SPANXN1: variants seen among roughly 807,000 people sequenced by gnomAD.
The protein encoded by SPANXN1 is SPANX family member N1, also known as sperm protein associated with the nucleus on the X chromosome N1.
A neutral mutation model predicts 2.0 loss-of-function variants in SPANXN1; 1 was observed. The ratio of observed to expected loss-of-function variants is 0.50; its 90% CI spans 0.18 to 2.36. The LOEUF (loss-of-function observed/expected upper bound fraction) is 2.36, where lower values mean the gene tolerates loss of function less well. Ranked by LOEUF, SPANXN1 falls within the 30% of genes most tolerant of loss-of-function variation. The pLI, the probability that SPANXN1 is intolerant of heterozygous loss-of-function variation, is 0.26. For synonymous variants in SPANXN1, 27 were observed against 21.3 expected (o/e 1.27, Z -0.74); for missense variants, 55 against 51.8 (o/e 1.06, Z -0.19).
At chrX:145,248,602 A>G (rs2070771823) in intron 1 of SPANXN1, among the ~76,000 whole-genome samples, 1 of 112,072 alleles carries the variant, frequency 8.9e-6, no homozygotes, top group South Asian at 3.7e-4. Flanking sequence ...GTTGTAGATT[A>G]TGGCGGTTAA....
chrX:145,249,329 A>G (rs1343070584), intron 1 of SPANXN1, among the ~76,000 whole-genome samples: 10 of 110,968 alleles, frequency 9.0e-5, no homozygotes, highest in African/African-American at 3.3e-4. Flanking sequence ...TCCCACAGAC[A>G]AAGAGGACAA....
intron 1 of SPANXN1, among the ~76,000 whole-genome samples, chrX:145,248,035 T>G (rs1218080274): frequency 9.0e-6 from 1 of 111,230 alleles, no homozygotes; most frequent in African/African-American, 3.3e-5. Flanking sequence ...TTTCTCAGCC[T>G]GAACCCCCGT....
chrX:145,251,671 GT>G (rs1244332327), intron 1 of SPANXN1, among the ~76,000 whole-genome samples: 1 of 111,928 alleles, frequency 8.9e-6, no homozygotes, highest in Non-Finnish European at 1.9e-5. Context: ...GCATTTTTAA[GT>G]TTTTTGTTTG....
intron 1 of SPANXN1, among the ~76,000 whole-genome samples, chrX:145,247,888 A>G (rs1391917823): frequency 2.7e-5 from 3 of 112,685 alleles, no homozygotes; most frequent in African/African-American, 9.7e-5. Flanking sequence ...AGATGTTTTT[A>G]TGATCAGGCT....
chrX:145,255,538 C>T lies in SPANXN1; in HGVS notation c.76-133C>T, dbSNP rs782511547. The stretch of plus-strand genomic sequence containing the variant: ...CCCCATAGATCCCTACCCTATGATT[C>T]AACCTTGTTCTTCTCTGGCACACAC... On this transcript the variant is annotated intron_variant, in intron 1 of 1. Coordinates refer to ENST00000370493, the MANE Select transcript of SPANXN1 (RefSeq NM_001009614.3). 5.8e-4 allele frequency: 571 copies of T among 976,385 alleles called. 1 individual carries two copies. Among genetic ancestry groups the T allele is most frequent in the South Asian group, 4.8e-3 (213 of 44,265 alleles). The allele number at this position is 976,385 out of a possible 1,213,427, so 80.5% of individuals were successfully genotyped here.
At chrX:145,253,727 T>C (rs1248884491) in intron 1 of SPANXN1, among the ~76,000 whole-genome samples, 2 of 110,917 alleles carry the variant, frequency 1.8e-5, no homozygotes, top group Non-Finnish European at 3.8e-5. Flanking sequence ...TTGGAGGGTG[T>C]TCTCATGGGC....
intron 1 of SPANXN1, among the ~76,000 whole-genome samples, chrX:145,249,895 C>T: frequency 1.8e-5 from 2 of 110,796 alleles, no homozygotes; most frequent in East Asian, 2.8e-4. Flanking sequence ...CCAAGTATTC[C>T]ATATAGAAGG....
Position 145,256,070 on chromosome X carries a change from G to T in SPANXN1, c.*256G>T. On this transcript the variant is annotated 3_prime_UTR_variant, in exon 2 of 2. Transcript: ENST00000370493. ...AGGATCTTCACAGGAGGATAAAGAC[G>T]TAGAATTACCTGAAGGATCTTCACA... 1 of 518,367 alleles carries T rather than the reference G, an allele frequency of 1.9e-6. No individual in the cohort carries two copies. 42.7% of individuals were successfully genotyped at this position (518,367 alleles called of 1,213,427 possible).
At chrX:145,251,831 A>G (rs1320296970) in intron 1 of SPANXN1, among the ~76,000 whole-genome samples, 1 of 111,062 alleles carries the variant, frequency 9.0e-6, no homozygotes, top group Non-Finnish European at 1.9e-5. Context: ...TTCATGGCCA[A>G]AAGTATCCCA....
chrX:145,251,623 T>G (rs1161515750), intron 1 of SPANXN1, among the ~76,000 whole-genome samples: 1 of 111,847 alleles, frequency 8.9e-6, no homozygotes, highest in Non-Finnish European at 1.9e-5. Flanking sequence ...AAGGGCTTGG[T>G]GAGGTTGGGC....
chrX:145,252,265 G>C (rs1245741767), intron 1 of SPANXN1, among the ~76,000 whole-genome samples: 1 of 111,535 alleles, frequency 9.0e-6, no homozygotes, highest in South Asian at 3.8e-4. Context: ...CTGGGTTTAA[G>C]GGAAGAGTGA....
At chrX:145,251,190 G>T (rs782511251) in intron 1 of SPANXN1, among the ~76,000 whole-genome samples, 1 of 111,839 alleles carries the variant, frequency 8.9e-6, no homozygotes, top group Non-Finnish European at 1.9e-5. Flanking sequence ...GTGTTGGAAG[G>T]GGGAGGAGAG....
Position 145,256,009 on chromosome X carries a change from A to T in SPANXN1, c.*195A>T. The stretch of plus-strand genomic sequence containing the variant: ...ATGAAGACCTAGGCTTACCTGAAGG[A>T]TCTTCAAAGCAGGATGAAGACCTAG... On this transcript the variant is annotated 3_prime_UTR_variant, in exon 2 of 2. Transcript: ENST00000370493. 2 of 805,175 alleles carry T rather than the reference A, an allele frequency of 2.5e-6. No individual in the cohort carries two copies. The highest frequency in any genetic ancestry group is 3.7e-6 in the Non-Finnish European group (2 of 536,360). The allele number at this position is 805,175 out of a possible 1,213,427, so 66.4% of individuals were successfully genotyped here.
At chrX:145,249,230 A>G (rs1230851452) in intron 1 of SPANXN1, among the ~76,000 whole-genome samples, 2 of 109,282 alleles carry the variant, frequency 1.8e-5, no homozygotes, top group South Asian at 4.2e-4. Flanking sequence ...TTGGAAGTAA[A>G]AGGGGAGTGT....
Position 145,247,583 on chromosome X carries a change from A to G in SPANXN1, c.-4A>G. The G allele has an allele frequency of 1.7e-6, 2 of 1,209,741 alleles. No homozygotes were observed. The highest frequency in any genetic ancestry group is 1.7e-5 in the African/African-American group (1 of 57,623). On this transcript the variant is annotated 5_prime_UTR_variant, in exon 1 of 2. Coordinates refer to ENST00000370493, the MANE Select transcript of SPANXN1 (RefSeq NM_001009614.3). ...CTATAGACATTCTACAACCAACCAGAATCATGGAACAGCCCACTTCAAGCA... is the reference window on the plus strand; with the variant it reads ...CTATAGACATTCTACAACCAACCAGGATCATGGAACAGCCCACTTCAAGCA...
intron 1 of SPANXN1, among the ~76,000 whole-genome samples, chrX:145,248,227 T>A (rs186057134): frequency 4.8e-3 from 538 of 111,216 alleles, no homozygotes; most frequent in African/African-American, 0.016. Flanking sequence ...CAGTGGGTGT[T>A]GGACTTCAGA....
rs201529247 is a variant in SPANXN1, at chrX:145,255,701, C to T, written c.106C>T (p.Pro36Ser). ...MQETPNRDLA[P>S]EPSLKKMKTS... ...GGAGACACCAAACAGGGACTTAGCC[C>T]CCGAACCGAGTTTGAAAAAGATGAA... The change falls in exon 2 of 2, where the codon CCC (proline) becomes TCC (serine). Residue 36 changes from proline to serine, a missense_variant. Transcript: ENST00000370493. 5.8e-5 allele frequency: 70 copies of T among 1,210,198 alleles called. 1 individual carries two copies. Among genetic ancestry groups the T allele is most frequent in the Middle Eastern group, 4.6e-4 (2 of 4,367 alleles).
intron 1 of SPANXN1, among the ~76,000 whole-genome samples, chrX:145,251,488 G>C (rs1462338528): frequency 7.2e-5 from 8 of 111,244 alleles, no homozygotes; most frequent in Non-Finnish European, 9.4e-5. Context: ...TTTAGTCAGA[G>C]TGACCAGCAT....
At position 145,255,851 on chromosome X, in the gene SPANXN1, G is replaced by A. The variant is rs879949636; in HGVS notation, c.*37G>A. The A allele has an allele frequency of 8.3e-6, 10 of 1,210,638 alleles. No individual in the cohort carries two copies. The highest frequency in any genetic ancestry group is 3.5e-5 in the South Asian group (2 of 56,873). ...CAATCCAGTCCAAGAGGAGGAGGAC[G>A]AAGGCCTAGACTCAGCTGAAGGATC... On this transcript the variant is annotated 3_prime_UTR_variant, in exon 2 of 2. Coordinates refer to ENST00000370493, the MANE Select transcript of SPANXN1 (RefSeq NM_001009614.3).
Sources: gnomAD v4.1 joint callset for allele counts (sites outside exome capture counted in the v4.1 genomes callset) on GRCh38, gnomAD v4.1.1 for gene constraint, MANE v1.5 for transcripts, NCBI Gene and HGNC (gene_info 2026-07-23, HGNC 2026-07-21) for gene names.